Variants in RELN observed in about 807,000 individuals in gnomAD.
RELN encodes the protein reelin.
RELN carries 108 observed loss-of-function variants against 427.6 expected under a neutral mutation model. The ratio of observed to expected loss-of-function variants is 0.25; its 90% CI spans 0.22 to 0.30. The LOEUF (loss-of-function observed/expected upper bound fraction) is 0.30. RELN is among the 10% of genes least tolerant of loss of function. RELN has a pLI of 1.00. For missense variants in RELN, 3,715 were observed against 4,302.8 expected (o/e 0.86, Z 3.82); for synonymous variants, 1,524 against 1,513.4 (o/e 1.01, Z -0.16).
chr7:103,604,116 G>A (rs1831746532), intron 23 of RELN, among the ~76,000 whole-genome samples: 1 of 152,130 alleles, frequency 6.6e-6, no homozygotes, highest in Non-Finnish European at 1.5e-5. Flanking sequence ...AAGCTCAGGA[G>A]GCCTTGTCTT....
intron 51 of RELN, among the ~76,000 whole-genome samples, chr7:103,509,109 C>T (rs947291843): frequency 6.6e-6 from 1 of 152,314 alleles, no homozygotes; most frequent in African/African-American, 2.4e-5. Context: ...ATGCTATCCC[C>T]ATCAAGCTAC....
intron 36 of RELN, 43 bp from the exon 37 acceptor site, chr7:103,558,092 G>A: frequency 1.1e-6 from 1 of 931,146 alleles, no homozygotes; most frequent in Non-Finnish European, 1.8e-6. Context: ...TTTTTCACTT[G>A]CAAAATTGTA....
chr7:103,791,871 T>C (rs1029927415), intron 3 of RELN, among the ~76,000 whole-genome samples: 1 of 152,098 alleles, frequency 6.6e-6, no homozygotes, highest in Non-Finnish European at 1.5e-5. Flanking sequence ...AAGAACTCTT[T>C]ACAACTCAAT....
chr7:103,904,994 T>C (rs1584352092), intron 2 of RELN, among the ~76,000 whole-genome samples: 1 of 144,238 alleles, frequency 6.9e-6, no homozygotes, highest in African/African-American at 2.6e-5. Context: ...TTTTTTTTTT[T>C]TTTTTTGAGA....
chr7:103,957,578 G>A (rs1191961550), intron 1 of RELN, among the ~76,000 whole-genome samples: 1 of 152,136 alleles, frequency 6.6e-6, no homozygotes, highest in African/African-American at 2.4e-5. Flanking sequence ...ACACGCACAT[G>A]CTCATAAATG....
chr7:103,728,271 G>A, intron 6 of RELN, 64 bp from the exon 7 acceptor site: 2 of 1,401,434 alleles, frequency 1.4e-6, no homozygotes, highest in Non-Finnish European at 2.0e-6. Context: ...TTACTGCTCA[G>A]GTAAGAAACG....
rs746953713 is a variant in RELN at position 103,833,629 on chromosome 7, A to G, written c.381T>C (p.Ser127=). The G allele has an allele frequency of 6.2e-7, 1 of 1,613,602 alleles. No homozygotes were observed. Among genetic ancestry groups the G allele is most frequent in the Non-Finnish European group, 8.5e-7 (1 of 1,179,644 alleles). ...GGTGACTCACGTGAGAGGCTACCAC[A>G]CTGCACATAAACTGGTTACCAAACT... is the stretch of plus-strand genomic sequence containing the variant. ...DHQFGNQFMC[S]VVASHVSHLP... Residue 127 remains serine (S), a synonymous_variant, in exon 3 of 65, where the codon AGT becomes AGC. Coordinates refer to ENST00000428762, the MANE Select transcript of RELN (RefSeq NM_005045.4).
chr7:103,553,613 T>G (rs79868514), intron 39 of RELN, 47 bp downstream of exon 39: 7 of 1,612,880 alleles, frequency 4.3e-6, no homozygotes, highest in Middle Eastern at 1.7e-4. Flanking sequence ...AAGTTCATCA[T>G]GATTTGTATA....
chr7:103,551,129 G>C lies in RELN; in HGVS notation c.6240C>G (p.Tyr2080Ter), dbSNP rs201505136. The change falls in exon 41 of 65, where the codon TAC becomes TAG. Residue 2080 changes from tyrosine (Y) to a stop codon, truncating the protein, a stop_gained. Transcript: ENST00000428762. LOFTEE classifies it high-confidence loss of function. ...TCCTCCAGCCCTGCATGGTTCCTGCGTAGTAGGTGCTGCTGGGGTGGTGCT... is the reference window on the plus strand; with the variant it reads ...TCCTCCAGCCCTGCATGGTTCCTGCCTAGTAGGTGCTGCTGGGGTGGTGCT... ...STEHHPSSTY[Y>*]AGTMQGWRRE... The C allele has an allele frequency of 6.2e-7, 1 of 1,614,012 alleles. No homozygotes were observed. The highest frequency in any genetic ancestry group is 1.3e-5 in the African/African-American group (1 of 75,026).
intron 4 of RELN, among the ~76,000 whole-genome samples, chr7:103,771,480 G>T (rs1791568028): frequency 6.6e-6 from 1 of 152,078 alleles, no homozygotes; most frequent in Non-Finnish European, 1.5e-5. Flanking sequence ...TAGGCTGATG[G>T]TTCTCAAATG....
chr7:103,857,570 T>C (rs1793975844), intron 2 of RELN, among the ~76,000 whole-genome samples: 1 of 152,234 alleles, frequency 6.6e-6, no homozygotes, highest in African/African-American at 2.4e-5. Flanking sequence ...ATTCACCTTC[T>C]AATTTGCAGT....
At chr7:103,489,299 CTGCTGCTGGAAGAGG>C (rs1254091247) in intron 60 of RELN, among the ~76,000 whole-genome samples, 1 of 151,770 alleles carries the variant, frequency 6.6e-6, no homozygotes, top group Non-Finnish European at 1.5e-5. Context: ...ACAGTGGCAG[CTGCTGCTGGAAGAGG>C]CTGAGGAAGG....
At chr7:103,959,462 A>C (rs936537230) in intron 1 of RELN, among the ~76,000 whole-genome samples, 1 of 152,106 alleles carries the variant, frequency 6.6e-6, no homozygotes, top group East Asian at 1.9e-4. Context: ...AGTTCTCTCA[A>C]ACTTAACATG....
rs1791611584 is a variant in RELN, at chr7:103,773,100, T to TTCCTTCCTTTCTTTCTTTC, written c.544+3456_544+3457insGAAAGAAAGAAAGGAAGGA. Among the ~76,000 whole-genome samples, 17 of 128,706 alleles carry TTCCTTCCTTTCTTTCTTTC rather than the reference T, an allele frequency of 1.3e-4. 1 individual carries two copies. Among genetic ancestry groups the TTCCTTCCTTTCTTTCTTTC allele is most frequent in the African/African-American group, 4.6e-4 (15 of 32,748 alleles). 84.4% of individuals were successfully genotyped at this position (128,706 alleles called of 152,430 possible). On this transcript the variant is annotated intron_variant, in intron 4 of 64. Transcript: ENST00000428762. The stretch of plus-strand genomic sequence containing the variant: ...AAGGAGGAGATAGATGGTTCTCCTC[T>TTCCTTCCTTTCTTTCTTTC]TTTCTTTCTTTCTTTCTTTCTTTCT...
At chr7:103,594,554 T>A in intron 25 of RELN, 62 bp from the exon 26 acceptor site, 1 of 1,508,508 alleles carries the variant, frequency 6.6e-7, no homozygotes, top group South Asian at 1.1e-5. Flanking sequence ...TTTTTTCAGC[T>A]ATTAAAACAA....
At chr7:103,515,672 C>T (rs1829549522) in intron 49 of RELN, among the ~76,000 whole-genome samples, 1 of 152,232 alleles carries the variant, frequency 6.6e-6, no homozygotes, top group Non-Finnish European at 1.5e-5. Context: ...TATCCCAGAA[C>T]TCCCAATTGG....
At chr7:103,909,890 T>C (rs187412096) in intron 2 of RELN, among the ~76,000 whole-genome samples, 1 of 133,384 alleles carries the variant, frequency 7.5e-6, no homozygotes, top group African/African-American at 3.3e-5. Flanking sequence ...CTACCTAAAC[T>C]GTCAAATCAC....
At chr7:103,713,756 C>T (rs1254596060) in intron 8 of RELN, among the ~76,000 whole-genome samples, 1 of 150,476 alleles carries the variant, frequency 6.6e-6, no homozygotes, top group East Asian at 1.9e-4. Context: ...AATTAAGAAA[C>T]ACAGTAAAAT....
intron 19 of RELN, among the ~76,000 whole-genome samples, chr7:103,634,644 C>G (rs1264941027): frequency 6.6e-6 from 1 of 151,964 alleles, no homozygotes; most frequent in Admixed American, 6.6e-5. Flanking sequence ...GCCAGAGACA[C>G]TATACAGGCT....
Sources: gnomAD v4.1 joint callset for allele counts (sites outside exome capture counted in the v4.1 genomes callset) on GRCh38, gnomAD v4.1.1 for gene constraint, MANE v1.5 for transcripts, NCBI Gene and HGNC (gene_info 2026-07-23, HGNC 2026-07-21) for gene names.